LIN7A: variants seen among roughly 807,000 people sequenced by gnomAD.
LIN7A encodes the protein lin-7 cell polarity scaffold A.
LIN7A carries 25 observed loss-of-function variants against 29.8 expected under a neutral mutation model. The ratio of observed to expected loss-of-function variants is 0.84; its 90% CI spans 0.61 to 1.17. The LOEUF (loss-of-function observed/expected upper bound fraction) is 1.17. LIN7A is among the 50% of genes most tolerant of loss of function. The probability of loss-of-function intolerance (pLI) is 0.00; values close to 1 mark genes in which losing one functional copy is unlikely to be tolerated. For synonymous variants in LIN7A, 118 were observed against 107.5 expected (o/e 1.10, Z -0.60); for missense variants, 239 against 287.0 (o/e 0.83, Z 1.21).
intron 2 of LIN7A, among the ~76,000 whole-genome samples, chr12:80,877,509 G>A (rs1237489634): frequency 1.3e-5 from 2 of 151,844 alleles, no homozygotes; most frequent in Non-Finnish European, 2.9e-5. Context: ...AAAAAATACT[G>A]CAATCAGACT....
chr12:80,843,168 T>C lies in LIN7A; in HGVS notation c.483+2562A>G, dbSNP rs552466710. Among the ~76,000 whole-genome samples, 85 of 152,330 alleles carry C rather than the reference T, an allele frequency of 5.6e-4. 1 individual carries two copies. The highest frequency in any genetic ancestry group is 3.4e-3 in the Middle Eastern group (1 of 294). On this transcript the variant is annotated intron_variant, in intron 4 of 5. Transcript: ENST00000552864. ...TAATTGGTAAGATGAGAGGTTTAAA[T>C]ATATGTGGGATATTACAATCTTGGA...
Position 80,937,666 on chromosome 12 carries a change from C to G in LIN7A, c.57G>C (p.Val19=). 1 of 1,570,354 alleles carries G rather than the reference C, an allele frequency of 6.4e-7. No homozygotes were observed. The highest frequency in any genetic ancestry group is 1.2e-5 in the South Asian group (1 of 86,272). The change falls in exon 1 of 6, where the codon GTG becomes GTC. Residue 19 remains valine (V), a synonymous_variant. Coordinates refer to ENST00000552864, the MANE Select transcript of LIN7A (RefSeq NM_004664.4). ...CTCTGTCCAGGGTGAGCGGCTGGAC[C>G]ACTGTCAATGTCGCCATGTCTGCCG... ...APTADMATLT[V]VQPLTLDRDV... is the part of the protein sequence containing the mutation.
chr12:80,869,098 G>A (rs931998224), intron 2 of LIN7A, among the ~76,000 whole-genome samples: 1 of 150,896 alleles, frequency 6.6e-6, no homozygotes, highest in African/African-American at 2.4e-5. Context: ...GTGGAGAAAG[G>A]GCATTGGCAT....
rs1297448761 is a variant in LIN7A, at chr12:80,792,544, C to T, written c.*5183G>A. ...GTTTGGTGTCTAATACTTTTACTTC[C>T]CAGCAGCATAATACCACTTTGGTCA... On this transcript the variant is annotated 3_prime_UTR_variant, in exon 6 of 6. Coordinates refer to ENST00000552864, the MANE Select transcript of LIN7A (RefSeq NM_004664.4). The T allele has an allele frequency of 6.6e-6, 1 of 152,142 alleles. No homozygotes were observed. Among genetic ancestry groups the T allele is most frequent in the Non-Finnish European group, 1.5e-5 (1 of 68,020 alleles). The allele number at this position is 152,142 out of a possible 1,614,324, so 9.4% of individuals were successfully genotyped here. A position where few individuals can be genotyped will look rare whatever the true frequency, so the allele number is the denominator to read the frequency against.
intron 2 of LIN7A, among the ~76,000 whole-genome samples, chr12:80,867,065 G>A (rs570506771): frequency 6.6e-6 from 1 of 152,106 alleles, no homozygotes; most frequent in East Asian, 1.9e-4. Flanking sequence ...GCATCCTCTT[G>A]CCTCGCCCCC....
In LIN7A at chr12:80,933,265, C is replaced by A. The variant is rs977251012; in HGVS notation, c.82+4376G>T. ...TCTTAATATATAATTAAATTTCTAC[C>A]CCAGGATGCATAATTAATGCGTTAT... is the stretch of plus-strand genomic sequence containing the variant. On this transcript the variant is annotated intron_variant, in intron 1 of 5. Coordinates refer to ENST00000552864, the MANE Select transcript of LIN7A (RefSeq NM_004664.4). Among the ~76,000 whole-genome samples, 9 of 152,028 alleles carry A rather than the reference C, an allele frequency of 5.9e-5. No individual in the cohort carries two copies. The East Asian group carries it at 1.4e-3, about 23-fold the overall frequency.
At chr12:80,901,841 C>T (rs568663094) in intron 1 of LIN7A, among the ~76,000 whole-genome samples, 208 of 152,064 alleles carry the variant, frequency 1.4e-3, no homozygotes, top group African/African-American at 2.2e-3. Flanking sequence ...TACTGTCATC[C>T]GTTTTCTTCA....
intron 5 of LIN7A, among the ~76,000 whole-genome samples, chr12:80,808,507 CT>C (rs200750392): frequency 0.099 from 13,606 of 137,204 alleles, 529 homozygotes; most frequent in East Asian, 0.18. Context: ...TTTCTTTTTT[CT>C]TTTTTTTTTT....
chr12:80,877,895 G>A (rs188117957), intron 2 of LIN7A, among the ~76,000 whole-genome samples: 1 of 151,000 alleles, frequency 6.6e-6, no homozygotes, highest in African/African-American at 2.4e-5. Context: ...GTTGTCATCC[G>A]TGGTGCCAAA....
chr12:80,889,376 G>A lies in LIN7A; in HGVS notation c.83-7C>T. The A allele has an allele frequency of 6.8e-7, 1 of 1,462,554 alleles. No homozygotes were observed. Among genetic ancestry groups the A allele is most frequent in the Non-Finnish European group, 9.5e-7 (1 of 1,047,480 alleles). The allele number at this position is 1,462,554 out of a possible 1,614,324, so 90.6% of individuals were successfully genotyped here. A position where few individuals can be genotyped will look rare whatever the true frequency, so the allele number is the denominator to read the frequency against. On this transcript the variant is annotated splice_region_variant and splice_polypyrimidine_tract_variant and intron_variant, in intron 1 of 5. Coordinates refer to ENST00000552864, the MANE Select transcript of LIN7A (RefSeq NM_004664.4). ...TCAATTGCTCTTGCAACATCTGAAT[G>A]AAAAAAAATGAAAATAGAGAAACCT...
At chr12:80,818,746 T>A (rs1441162070) in intron 4 of LIN7A, among the ~76,000 whole-genome samples, 4 of 152,184 alleles carry the variant, frequency 2.6e-5, no homozygotes, top group Non-Finnish European at 4.4e-5. Context: ...TACAAAACTC[T>A]GATCCAGCCA....
chr12:80,896,373 G>A (rs535519786), intron 1 of LIN7A, among the ~76,000 whole-genome samples: 2 of 152,288 alleles, frequency 1.3e-5, no homozygotes, highest in South Asian at 4.1e-4. Flanking sequence ...TTTTTGAGGT[G>A]TCTAAAAATT....
intron 2 of LIN7A, 132 bp from the exon 3 acceptor site, chr12:80,848,454 TG>T: frequency 1.5e-6 from 1 of 648,540 alleles, no homozygotes; most frequent in Non-Finnish European, 2.7e-6. Context: ...GTCTGATGTT[TG>T]GGAATGTACC....
intron 2 of LIN7A, among the ~76,000 whole-genome samples, chr12:80,849,947 C>T (rs538712273): frequency 1.3e-5 from 2 of 152,088 alleles, no homozygotes; most frequent in Admixed American, 6.6e-5. Flanking sequence ...GTTAACATTG[C>T]CAGGGAAAGT....
chr12:80,872,928 T>C lies in LIN7A; in HGVS notation c.201+16323A>G, dbSNP rs547379937. Among the ~76,000 whole-genome samples, 88 of 152,340 alleles carry C rather than the reference T, an allele frequency of 5.8e-4. 1 individual carries two copies. Among genetic ancestry groups the C allele is most frequent in the African/African-American group, 1.9e-3 (80 of 41,580 alleles). On this transcript the variant is annotated intron_variant, in intron 2 of 5. Transcript: ENST00000552864. Reference sequence around the variant, plus strand: ...AGAGGAAAATTAACAGAATATCGTTTTGATCAGTTGCACTGTAAGGTAGAA... The same window carrying C: ...AGAGGAAAATTAACAGAATATCGTTCTGATCAGTTGCACTGTAAGGTAGAA...
chr12:80,834,566 A>G (rs1872526649), intron 4 of LIN7A, among the ~76,000 whole-genome samples: 1 of 152,188 alleles, frequency 6.6e-6, no homozygotes. Flanking sequence ...TCATTTGCAA[A>G]TTTATTGAAA....
chr12:80,904,526 T>A (rs971658178), intron 1 of LIN7A, among the ~76,000 whole-genome samples: 1 of 152,190 alleles, frequency 6.6e-6, no homozygotes, highest in Non-Finnish European at 1.5e-5. Flanking sequence ...ATAAATGAGA[T>A]CATGCAGTAT....
rs566221811 is a variant in LIN7A at position 80,896,297 on chromosome 12, C to T, written c.83-6928G>A. ...TGTTGGTGGAACACTGCAATCAAGG[C>T]GACAAGCGATAGTAACAGTGATGTC... On this transcript the variant is annotated intron_variant, in intron 1 of 5. Coordinates refer to ENST00000552864, the MANE Select transcript of LIN7A (RefSeq NM_004664.4). 1.1e-3 allele frequency among the ~76,000 whole-genome samples: 173 copies of T among 152,200 alleles called. 1 individual carries two copies. Among genetic ancestry groups the T allele is most frequent in the Non-Finnish European group, 1.3e-3 (87 of 67,994 alleles).
At chr12:80,913,488 G>A (rs1199952768) in intron 1 of LIN7A, among the ~76,000 whole-genome samples, 2 of 152,110 alleles carry the variant, frequency 1.3e-5, no homozygotes, top group African/African-American at 4.8e-5. Flanking sequence ...ACGAGGAAAC[G>A]GGAGCCTGGG....
Sources: allele counts gnomAD v4.1 joint callset (sites outside exome capture counted in the v4.1 genomes callset), GRCh38; gene constraint gnomAD v4.1.1; transcripts MANE v1.5; gene names NCBI Gene and HGNC (gene_info 2026-07-23, HGNC 2026-07-21).